The following ADAM29 variants were observed in gnomAD, a reference collection of about 807,000 sequenced individuals.
The protein encoded by ADAM29 is disintegrin and metalloproteinase domain-containing protein 29.
For synonymous variants in ADAM29, 367 were observed against 342.3 expected (o/e 1.07, Z -0.80); for missense variants, 969 against 1,001.8 (o/e 0.97, Z 0.44).
chr4:174,959,621 A>C (rs1455471179), intron 4 of ADAM29, among the ~76,000 whole-genome samples: 1 of 151,262 alleles, frequency 6.6e-6, no homozygotes, highest in Non-Finnish European at 1.5e-5. Context: ...TTTTTTCTCT[A>C]GTGTTTTCTT....
rs1037108295 is a variant in ADAM29, at chr4:174,976,835, G to A, written c.1310G>A (p.Cys437Tyr). ...SNCTLTDGST[C>Y]AFGLCCKDCK... Reference sequence around the variant, plus strand: ...TGCACTCTGACTGATGGTTCTACTTGTGCTTTTGGGCTTTGTTGCAAAGAC... The same window carrying A: ...TGCACTCTGACTGATGGTTCTACTTATGCTTTTGGGCTTTGTTGCAAAGAC... The change falls in exon 5 of 5, where the codon TGT (cysteine) becomes TAT (tyrosine). Residue 437 changes from cysteine to tyrosine, a missense_variant. Physicochemically the swap from Cys to Tyr is radical, Grantham distance 194 (BLOSUM62 -2). Transcript: ENST00000359240. 2 of 1,614,176 alleles carry A rather than the reference G, an allele frequency of 1.2e-6. No homozygotes were observed. The highest frequency in any genetic ancestry group is 1.7e-6 in the Non-Finnish European group (2 of 1,180,044).
intron 4 of ADAM29, among the ~76,000 whole-genome samples, chr4:174,965,504 T>TATC (rs1553977746): frequency 1.3e-5 from 2 of 151,662 alleles, no homozygotes; most frequent in African/African-American, 2.4e-5. Flanking sequence ...TCTATCTATC[T>TATC]ATCTATCTAT....
At chr4:174,928,022 C>G (rs942259783) in intron 2 of ADAM29, among the ~76,000 whole-genome samples, 1 of 152,130 alleles carries the variant, frequency 6.6e-6, no homozygotes, top group African/African-American at 2.4e-5. Context: ...GAATATAAGA[C>G]AAACTGCCAT....
At chr4:174,974,020 G>A (rs984965693) in intron 4 of ADAM29, among the ~76,000 whole-genome samples, 8 of 152,182 alleles carry the variant, frequency 5.3e-5, no homozygotes, top group East Asian at 1.9e-4. Flanking sequence ...CCTGGTTATC[G>A]AATGACGGTT....
intron 4 of ADAM29, among the ~76,000 whole-genome samples, chr4:174,968,296 G>A (rs1427095814): frequency 6.6e-6 from 1 of 152,140 alleles, no homozygotes; most frequent in Non-Finnish European, 1.5e-5. Flanking sequence ...AAGTGCATCA[G>A]TGGCCCTCTG....
chr4:174,934,045 T>C (rs2110943568), intron 3 of ADAM29, among the ~76,000 whole-genome samples: 1 of 152,286 alleles, frequency 6.6e-6, no homozygotes, highest in East Asian at 1.9e-4. Context: ...TTTGAGGAGT[T>C]GCCACACTGC....
At chr4:174,930,753 A>C (rs1343597413) in intron 2 of ADAM29, among the ~76,000 whole-genome samples, 2 of 152,172 alleles carry the variant, frequency 1.3e-5, no homozygotes, top group Non-Finnish European at 2.9e-5. Context: ...TAGCCCACTA[A>C]CACTGACAAT....
intron 4 of ADAM29, among the ~76,000 whole-genome samples, chr4:174,942,341 A>C (rs1024648136): frequency 1.3e-5 from 2 of 152,188 alleles, no homozygotes; most frequent in Non-Finnish European, 2.9e-5. Context: ...CATTGCCTTA[A>C]TAGAGGTTCT....
chr4:174,933,472 C>T (rs1247443794), intron 3 of ADAM29, among the ~76,000 whole-genome samples: 1 of 151,766 alleles, frequency 6.6e-6, no homozygotes, highest in Middle Eastern at 3.4e-3. Context: ...CTACCAAGCT[C>T]TATTTAAAAA....
intron 4 of ADAM29, among the ~76,000 whole-genome samples, chr4:174,952,770 A>C (rs1264892292): frequency 6.6e-6 from 1 of 152,176 alleles, no homozygotes. Context: ...AGCAGTGTGC[A>C]AAGACTGTCT....
intron 4 of ADAM29, among the ~76,000 whole-genome samples, chr4:174,953,671 T>C (rs1229374355): frequency 6.6e-6 from 1 of 152,160 alleles, no homozygotes; most frequent in Non-Finnish European, 1.5e-5. Context: ...ATAAAGTTTA[T>C]CTGCAGGAAA....
intron 4 of ADAM29, among the ~76,000 whole-genome samples, chr4:174,952,649 A>G (rs182849350): frequency 1.5e-4 from 23 of 152,308 alleles, no homozygotes; most frequent in African/African-American, 5.3e-4. Context: ...GTGGGAGATG[A>G]GATGAAAATG....
chr4:174,973,816 A>T (rs1746601623), intron 4 of ADAM29, among the ~76,000 whole-genome samples: 1 of 152,216 alleles, frequency 6.6e-6, no homozygotes, highest in South Asian at 2.1e-4. Flanking sequence ...ACGCCTGAAG[A>T]TGGAAGGAAC....
chr4:174,946,718 G>T (rs1393590283), intron 4 of ADAM29, among the ~76,000 whole-genome samples: 1 of 152,014 alleles, frequency 6.6e-6, no homozygotes, highest in Non-Finnish European at 1.5e-5. Flanking sequence ...TTTTTTTGTG[G>T]TATATCTTCC....
chr4:174,976,726 G>A lies in ADAM29; in HGVS notation c.1201G>A (p.Gly401Arg). ...TKDIFNVKRC[G>R]NGVVEEGEEC... is the part of the protein sequence containing the mutation. Reference sequence around the variant, plus strand: ...GGACATCTTTAATGTGAAGCGCTGTGGGAATGGTGTTGTTGAAGAAGGAGA... The same window carrying A: ...GGACATCTTTAATGTGAAGCGCTGTAGGAATGGTGTTGTTGAAGAAGGAGA... Residue 401 changes from glycine to arginine, a missense_variant, in exon 5 of 5, where the codon GGG becomes AGG. Transcript: ENST00000359240. 1 of 1,613,944 alleles carries A rather than the reference G, an allele frequency of 6.2e-7. No homozygotes were observed. Among genetic ancestry groups the A allele is most frequent in the Non-Finnish European group, 8.5e-7 (1 of 1,179,910 alleles).
Position 174,977,826 on chromosome 4 carries a change from G to T in ADAM29, c.2301G>T (p.Gln767His). The T allele has an allele frequency of 6.3e-7, 1 of 1,586,728 alleles. No individual in the cohort carries two copies. The change falls in exon 5 of 5, where the codon CAG becomes CAT. Residue 767 changes from glutamine (Q) to histidine (H), a missense_variant. By Grantham distance (24) the Gln-to-His change is conservative. Coordinates refer to ENST00000359240, the MANE Select transcript of ADAM29 (RefSeq NM_014269.4). The part of the protein sequence containing the change: ...SQSQPPVTPS[Q>H]SQPRVMPSQS... ...GTCAACCTCCTGTGACACCCTCCCAGAGTCAACCTCGGGTGATGCCTTCTC... is the reference window on the plus strand; with the variant it reads ...GTCAACCTCCTGTGACACCCTCCCATAGTCAACCTCGGGTGATGCCTTCTC...
intron 4 of ADAM29, among the ~76,000 whole-genome samples, chr4:174,956,896 C>T (rs1745539346): frequency 6.6e-6 from 1 of 151,814 alleles, no homozygotes; most frequent in Admixed American, 6.6e-5. Flanking sequence ...CATATGATTC[C>T]TAAAAGTCAT....
chr4:174,961,259 T>G (rs144877000), intron 4 of ADAM29, among the ~76,000 whole-genome samples: 5 of 151,722 alleles, frequency 3.3e-5, no homozygotes, highest in Non-Finnish European at 7.4e-5. Flanking sequence ...TACATTTTAC[T>G]CTGAAGCTCA....
intron 4 of ADAM29, among the ~76,000 whole-genome samples, chr4:174,953,146 C>T (rs1308219975): frequency 2.6e-5 from 4 of 151,924 alleles, no homozygotes; most frequent in South Asian, 2.1e-4. Context: ...ATTAGCCGGG[C>T]GTGGTGGCCG....
Sources: allele counts gnomAD v4.1 joint callset (sites outside exome capture counted in the v4.1 genomes callset), GRCh38; gene constraint gnomAD v4.1.1; transcripts MANE v1.5; gene names NCBI Gene and HGNC (gene_info 2026-07-23, HGNC 2026-07-21).